Variants in SNX8 observed in about 807,000 individuals in gnomAD.
SNX8 encodes sorting nexin 8.
Under a neutral mutation model 51.6 loss-of-function variants are expected in SNX8, and 25 were observed. The observed-to-expected ratio is 0.48, with a 90% CI of 0.35 to 0.68. SNX8 has a LOEUF of 0.68. Among genes scored for constraint, SNX8 ranks in the 30% least tolerant of loss-of-function variants. The probability of loss-of-function intolerance (pLI) is 0.00; values close to 1 mark genes in which losing one functional copy is unlikely to be tolerated. For synonymous variants in SNX8, 324 were observed against 277.0 expected, an observed-to-expected ratio of 1.17 and a Z score of -1.68; for missense variants, 695 against 624.0, an observed-to-expected ratio of 1.11 and a Z score of -1.21.
intron 1 of SNX8, among the ~76,000 whole-genome samples, chr7:2,307,192 C>A (rs766777371): frequency 1.3e-5 from 2 of 152,176 alleles, no homozygotes; most frequent in Admixed American, 6.6e-5. Context: ...CCAAAAGGGA[C>A]CCTACCTGAT....
intron 1 of SNX8, among the ~76,000 whole-genome samples, chr7:2,307,216 T>A (rs2115198394): frequency 1.3e-5 from 2 of 151,704 alleles, no homozygotes; most frequent in Admixed American, 1.3e-4. Context: ...TTAATGCCAA[T>A]ATTTTCCCAA....
At chr7:2,303,766 AAG>A (rs578026806) in intron 1 of SNX8, among the ~76,000 whole-genome samples, 124 of 152,076 alleles carry the variant, frequency 8.2e-4, no homozygotes, top group African/African-American at 2.9e-3. Flanking sequence ...CATGCTCGTT[AAG>A]AGTCATCACC....
rs1239071276 is a variant in SNX8, at chr7:2,257,520, G to A, written c.985-6C>T. On this transcript the variant is annotated splice_polypyrimidine_tract_variant and splice_region_variant and intron_variant, in intron 8 of 10. Coordinates refer to ENST00000222990, the MANE Select transcript of SNX8 (RefSeq NM_013321.4). ...TCATGCCGCTCGCACAGGTCCTGCG[G>A]GGCCGGGGGAGGCATTCGCCCGCTG... is the stretch of plus-strand genomic sequence containing the variant. 13 of 1,601,396 alleles carry A rather than the reference G, an allele frequency of 8.1e-6. No individual in the cohort carries two copies. The East Asian group carries it at 2.2e-4, about 28-fold the overall frequency.
intron 1 of SNX8, among the ~76,000 whole-genome samples, chr7:2,346,083 A>G (rs972812570): frequency 5.0e-4 from 76 of 152,186 alleles, no homozygotes; most frequent in African/African-American, 1.8e-3. Flanking sequence ...CTGGGATTAC[A>G]GGCGTGAGCC....
chr7:2,276,267 G>A (rs75116106), intron 2 of SNX8, among the ~76,000 whole-genome samples: 4,686 of 152,256 alleles, frequency 0.031, 236 homozygotes, highest in African/African-American at 0.11. Context: ...GGGGTGGCTC[G>A]CTCTGCTCCC....
At chr7:2,285,247 G>A (rs902846918) in intron 1 of SNX8, among the ~76,000 whole-genome samples, 3 of 149,338 alleles carry the variant, frequency 2.0e-5, no homozygotes, top group African/African-American at 2.5e-5. Flanking sequence ...AAATTAGTTA[G>A]GCATGGTGGC....
At chr7:2,312,038 C>G (rs1286555202) in intron 1 of SNX8, among the ~76,000 whole-genome samples, 1 of 152,130 alleles carries the variant, frequency 6.6e-6, no homozygotes, top group Non-Finnish European at 1.5e-5. Flanking sequence ...AGTCTGTGAG[C>G]CCCACTTTCA....
At chr7:2,335,574 G>A (rs926650334) in intron 1 of SNX8, among the ~76,000 whole-genome samples, 3 of 151,970 alleles carry the variant, frequency 2.0e-5, no homozygotes, top group Non-Finnish European at 4.4e-5. Flanking sequence ...AGGCCGAGGC[G>A]GGCGTATCAC....
At chr7:2,269,043 T>C (rs1423873048) in intron 5 of SNX8, among the ~76,000 whole-genome samples, 1 of 134,738 alleles carries the variant, frequency 7.4e-6, no homozygotes, top group Non-Finnish European at 1.6e-5. Context: ...CAACAGCTCA[T>C]TGAGAACGGG....
intron 1 of SNX8, among the ~76,000 whole-genome samples, chr7:2,344,584 C>G (rs1374512643): frequency 6.9e-6 from 1 of 145,724 alleles, no homozygotes; most frequent in Admixed American, 7.1e-5. Context: ...TGCACTCCAG[C>G]CTGGGTGACA....
intron 7 of SNX8, among the ~76,000 whole-genome samples, chr7:2,261,724 G>A (rs940990899): frequency 2.6e-5 from 4 of 152,226 alleles, no homozygotes; most frequent in African/African-American, 9.6e-5. Context: ...CGTTTCTAAA[G>A]GGAACACAGA....
chr7:2,324,892 G>A (rs577671171), intron 1 of SNX8, among the ~76,000 whole-genome samples: 14 of 150,698 alleles, frequency 9.3e-5, no homozygotes, highest in East Asian at 7.7e-4. Context: ...TGCAGCCTCC[G>A]TCTCCTGGGT....
chr7:2,345,145 G>T (rs1161945185), intron 1 of SNX8, among the ~76,000 whole-genome samples: 6 of 152,012 alleles, frequency 3.9e-5, no homozygotes, highest in African/African-American at 1.5e-4. Flanking sequence ...ACAAGCATAA[G>T]AGTCTTCACT....
chr7:2,255,519 T>G (rs1371415075), intron 10 of SNX8, among the ~76,000 whole-genome samples: 1 of 152,130 alleles, frequency 6.6e-6, no homozygotes, highest in African/African-American at 2.4e-5. Flanking sequence ...CATGGAAGCC[T>G]TGGCAGGTCA....
At chr7:2,267,051 C>T (rs1287787152) in intron 5 of SNX8, among the ~76,000 whole-genome samples, 2 of 152,254 alleles carry the variant, frequency 1.3e-5, no homozygotes, top group Non-Finnish European at 2.9e-5. Flanking sequence ...CAGCCGCAAC[C>T]CGGCCCTGCT....
At chr7:2,347,266 G>C (rs1779049265) in intron 1 of SNX8, among the ~76,000 whole-genome samples, 1 of 152,034 alleles carries the variant, frequency 6.6e-6, no homozygotes. Flanking sequence ...CGGATCACCT[G>C]AGGTCAGGAG....
chr7:2,344,685 G>C (rs985149964), intron 1 of SNX8, among the ~76,000 whole-genome samples: 2 of 152,038 alleles, frequency 1.3e-5, no homozygotes, highest in Non-Finnish European at 2.9e-5. Context: ...TTGGGACACT[G>C]AGGCAAGCAG....
In SNX8 at chr7:2,257,433, T is replaced by C. The variant is rs763077243; in HGVS notation, c.1066A>G (p.Met356Val). The change falls in exon 9 of 11, where the codon ATG (methionine) becomes GTG (valine). Residue 356 changes from methionine (M) to valine (V), a missense_variant. By Grantham distance (21) the Met-to-Val change is conservative. Transcript: ENST00000222990. ...LHKYSLMKRQ[M>V]MSATAQNREP... ...CGGTTCTGCGCGGTGGCGCTCATCA[T>C]CTGCCTCTTCATCAGGCTGTACTTG... The C allele has an allele frequency of 6.2e-7, 1 of 1,610,744 alleles. No individual in the cohort carries two copies. Among genetic ancestry groups the C allele is most frequent in the Non-Finnish European group, 8.5e-7 (1 of 1,179,364 alleles).
intron 3 of SNX8, among the ~76,000 whole-genome samples, chr7:2,272,461 G>A (rs750595989): frequency 4.0e-5 from 6 of 149,116 alleles, no homozygotes; most frequent in Non-Finnish European, 8.9e-5. Context: ...TGCTACCTCC[G>A]CCTTCCAGGT....
Sources: allele counts gnomAD v4.1 joint callset (sites outside exome capture counted in the v4.1 genomes callset), GRCh38; gene constraint gnomAD v4.1.1; transcripts MANE v1.5; gene names NCBI Gene and HGNC (gene_info 2026-07-23, HGNC 2026-07-21).